SYNE1: variants seen among roughly 807,000 people sequenced by gnomAD.
The protein encoded by SYNE1 is nesprin-1.
Under a neutral mutation model 1,111.0 loss-of-function variants are expected in SYNE1, and 616 were observed. The ratio of observed to expected loss-of-function variants is 0.55; its 90% CI spans 0.52 to 0.59. The LOEUF (loss-of-function observed/expected upper bound fraction) is 0.59, where lower values mean the gene tolerates loss of function less well. Among genes scored for constraint, SYNE1 ranks in the 20% least tolerant of loss-of-function variants. SYNE1 has a pLI of 0.00. For synonymous variants in SYNE1, 3,855 were observed against 3,825.8 expected (o/e 1.01, Z -0.28); for missense variants, 10,006 against 10,417.0 (o/e 0.96, Z 1.72).
chr6:152,513,560 C>T (rs896245300), intron 6 of SYNE1, among the ~76,000 whole-genome samples: 10 of 152,136 alleles, frequency 6.6e-5, no homozygotes, highest in African/African-American at 2.2e-4. Flanking sequence ...TCTCGAACTC[C>T]TGACATCAAG....
chr6:152,237,874 T>C (rs2084583835), intron 108 of SYNE1, among the ~76,000 whole-genome samples: 1 of 152,052 alleles, frequency 6.6e-6, no homozygotes, highest in Non-Finnish European at 1.5e-5. Flanking sequence ...ATTTACGCTG[T>C]GGGTCAGCAG....
intron 3 of SYNE1, among the ~76,000 whole-genome samples, chr6:152,571,462 C>T (rs1428092090): frequency 2.0e-5 from 3 of 152,056 alleles, no homozygotes; most frequent in East Asian, 3.9e-4. Flanking sequence ...TGTAGCACCA[C>T]GAAATTTAGA....
intron 107 of SYNE1, among the ~76,000 whole-genome samples, chr6:152,241,500 C>CTGTGTGTGTGTG (rs1231628952): frequency 0.032 from 2,391 of 74,126 alleles, 64 homozygotes; most frequent in East Asian, 0.13. Context: ...AATGCAAGAG[C>CTGTGTGTGTGTG]TGTGTGTGTG....
chr6:152,391,656 G>A (rs1221990466), intron 51 of SYNE1, 88 bp from the exon 52 acceptor site: 14 of 1,441,556 alleles, frequency 9.7e-6, no homozygotes, highest in Non-Finnish European at 1.3e-5. Flanking sequence ...GTTGATATTG[G>A]AGCAGTAACC....
chr6:152,437,572 CTATTT>C (rs1423434544), intron 32 of SYNE1, among the ~76,000 whole-genome samples: 14 of 151,650 alleles, frequency 9.2e-5, no homozygotes. Flanking sequence ...TTATTTTCAA[CTATTT>C]TAATTGAAAA....
chr6:152,212,317 C>T (rs191594928), intron 123 of SYNE1, among the ~76,000 whole-genome samples: 2 of 152,264 alleles, frequency 1.3e-5, no homozygotes, highest in African/African-American at 4.8e-5. Context: ...AACCACTCAT[C>T]TATTTTATGT....
chr6:152,566,617 G>C (rs1005530749), intron 3 of SYNE1, among the ~76,000 whole-genome samples: 1 of 152,204 alleles, frequency 6.6e-6, no homozygotes, highest in African/African-American at 2.4e-5. Flanking sequence ...ATAAGGCTTA[G>C]TGGGATTATC....
chr6:152,283,406 T>A (rs1015463069), intron 96 of SYNE1, among the ~76,000 whole-genome samples: 1 of 152,244 alleles, frequency 6.6e-6, no homozygotes, highest in African/African-American at 2.4e-5. Context: ...GGCTCATGTC[T>A]ACCAAGAATT....
rs768415715 is a variant in SYNE1, at chr6:152,232,202, T to C, written c.20776A>G (p.Met6926Val). ...ISEVMSWISL[M>V]ENVIQKDEDN... ...TCATCCTTCTGAATAACATTTTCCATTAGAGAAATCCAACTCATGACTTCA... is the reference window on the plus strand; with the variant it reads ...TCATCCTTCTGAATAACATTTTCCACTAGAGAAATCCAACTCATGACTTCA... Residue 6926 changes from methionine (M) to valine (V), a missense_variant, in exon 113 of 146, where the codon ATG becomes GTG. Physicochemically the swap from Met to Val is conservative, Grantham distance 21. Transcript: ENST00000367255. 1 of 1,613,734 alleles carries C rather than the reference T, an allele frequency of 6.2e-7. No individual in the cohort carries two copies. Among genetic ancestry groups the C allele is most frequent in the South Asian group, 1.1e-5 (1 of 91,084 alleles).
intron 118 of SYNE1, 35 bp from the exon 119 acceptor site, chr6:152,221,081 C>G (rs769086400): frequency 6.3e-7 from 1 of 1,599,636 alleles, no homozygotes; most frequent in Non-Finnish European, 8.6e-7. Context: ...GAGCAGATTA[C>G]CACCTCTCAC....
At chr6:152,129,753 G>C (rs1408041331) in intron 145 of SYNE1, 1 of 152,150 alleles carries the variant, frequency 6.6e-6, no homozygotes, top group African/African-American at 2.4e-5. Context: ...TTACTCAAGG[G>C]TTGTTTACAG....
At chr6:152,627,842 T>C (rs572789300) in intron 3 of SYNE1, among the ~76,000 whole-genome samples, 3 of 152,184 alleles carry the variant, frequency 2.0e-5, no homozygotes, top group South Asian at 4.2e-4. Context: ...GGTCTTCTAG[T>C]TGGGAAATGC....
intron 3 of SYNE1, among the ~76,000 whole-genome samples, chr6:152,566,833 T>TG (rs1380883315): frequency 6.6e-6 from 1 of 152,206 alleles, no homozygotes; most frequent in Non-Finnish European, 1.5e-5. Flanking sequence ...ACTTTTTTTG[T>TG]GGCACTGCCA....
rs1325974993 is a variant in SYNE1 at position 152,396,840 on chromosome 6, T to G, written c.7491A>C (p.Gln2497His). The G allele has an allele frequency of 6.2e-7, 1 of 1,614,206 alleles. No individual in the cohort carries two copies. Among genetic ancestry groups the G allele is most frequent in the Middle Eastern group, 1.6e-4 (1 of 6,062 alleles). ...EQITKANEEFQAFLKQCLKDK... is the reference protein window; with the variant it reads ...EQITKANEEFHAFLKQCLKDK... ...CTTTAAGGCATTGTTTCAGAAATGC[T>G]TGAAACTCTTCATTGGCCTTTGTGA... is the stretch of plus-strand genomic sequence containing the variant. The change falls in exon 50 of 146, where the codon CAA becomes CAC. Residue 2497 changes from glutamine (Q) to histidine (H), a missense_variant. Gln to His is a conservative substitution (Grantham distance 24, BLOSUM62 0). Transcript: ENST00000367255.
In SYNE1 at chr6:152,132,106, A is replaced by T. The variant is rs1418696556; in HGVS notation, c.26094+16T>A. 6.2e-7 allele frequency: 1 copy of T among 1,612,614 alleles called. No homozygotes were observed. The highest frequency in any genetic ancestry group is 2.2e-5 in the East Asian group (1 of 44,862). On this transcript the variant is annotated intron_variant, in intron 144 of 145. Coordinates refer to ENST00000367255, the MANE Select transcript of SYNE1 (RefSeq NM_182961.4). ...CACTCCCATGGGCCAACTGAAAACG[A>T]CCAGTGGAAAGTTACCGTTTTCTGT...
intron 46 of SYNE1, among the ~76,000 whole-genome samples, chr6:152,403,400 T>C (rs1458439584): frequency 1.3e-5 from 2 of 151,988 alleles, no homozygotes; most frequent in Non-Finnish European, 2.9e-5. Flanking sequence ...ATTAGGAAAA[T>C]ATCAATAAGA....
intron 3 of SYNE1, among the ~76,000 whole-genome samples, chr6:152,605,030 GAGA>G (rs1565141773): frequency 2.4e-4 from 15 of 63,532 alleles, no homozygotes; most frequent in Admixed American, 1.2e-3. Context: ...GAGAGAGAGA[GAGA>G]GAGGGAGGGA....
chr6:152,461,560 G>T (rs1221671948), intron 21 of SYNE1, 37 bp downstream of exon 21: 19 of 1,613,378 alleles, frequency 1.2e-5, no homozygotes, highest in Non-Finnish European at 1.5e-5. Flanking sequence ...CACTGTTGGT[G>T]TCACACAGCC....
intron 74 of SYNE1, among the ~76,000 whole-genome samples, chr6:152,343,509 C>A (rs1269329972): frequency 3.5e-5 from 5 of 141,414 alleles, no homozygotes; most frequent in Non-Finnish European, 6.2e-5. Flanking sequence ...TTTCATTATT[C>A]TTTTATTTTA....
Sources: gnomAD v4.1 joint callset for allele counts (sites outside exome capture counted in the v4.1 genomes callset) on GRCh38, gnomAD v4.1.1 for gene constraint, MANE v1.5 for transcripts, NCBI Gene and HGNC (gene_info 2026-07-23, HGNC 2026-07-21) for gene names.